Variants in MAST2 observed in about 807,000 individuals in gnomAD.
The protein encoded by MAST2 is microtubule-associated serine/threonine-protein kinase 2.
MAST2 carries 70 observed loss-of-function variants against 147.4 expected under a neutral mutation model. The ratio of observed to expected loss-of-function variants is 0.47; its 90% CI spans 0.39 to 0.58. The LOEUF is 0.58. Among genes scored for constraint, MAST2 ranks in the 20% least tolerant of loss-of-function variants. The probability of loss-of-function intolerance (pLI) is 0.00; values close to 1 mark genes in which losing one functional copy is unlikely to be tolerated. For synonymous variants in MAST2, 869 were observed against 896.8 expected (o/e 0.97, Z 0.55); for missense variants, 2,080 against 2,302.3 (o/e 0.90, Z 1.98).
At chr1:45,827,655 CATT>C (rs926321431) in intron 2 of MAST2, among the ~76,000 whole-genome samples, 2 of 121,578 alleles carry the variant, frequency 1.6e-5, no homozygotes, top group Non-Finnish European at 3.6e-5. Context: ...TCATCATCAT[CATT>C]ATTTTTTTTT....
In MAST2 at chr1:46,029,970, G is replaced by A. The variant is rs775524039; in HGVS notation, c.2443+17G>A. The A allele has an allele frequency of 3.7e-6, 6 of 1,613,836 alleles. No individual in the cohort carries two copies. Among genetic ancestry groups the A allele is most frequent in the South Asian group, 3.3e-5 (3 of 90,982 alleles). ...ATTTTGACAGTAAGGCCACCGATGG[G>A]TGGGGTGGAGGATGGGTCCTACCTG... On this transcript the variant is annotated intron_variant, in intron 20 of 28. Coordinates refer to ENST00000361297, the MANE Select transcript of MAST2 (RefSeq NM_015112.3).
chr1:45,829,723 A>T (rs1423936372), intron 3 of MAST2, 142 bp downstream of exon 3: 18 of 943,284 alleles, frequency 1.9e-5, no homozygotes, highest in Non-Finnish European at 2.6e-5. Context: ...TGAATTTATT[A>T]TTATTTTTTT....
chr1:46,004,542 A>G (rs936493998), intron 7 of MAST2, among the ~76,000 whole-genome samples: 4 of 152,148 alleles, frequency 2.6e-5, no homozygotes, highest in African/African-American at 9.7e-5. Context: ...CACTAGTTTC[A>G]TGTTAGCTAT....
At chr1:45,853,614 A>C (rs970152170) in intron 3 of MAST2, among the ~76,000 whole-genome samples, 2 of 152,186 alleles carry the variant, frequency 1.3e-5, no homozygotes, top group African/African-American at 4.8e-5. Context: ...CCGGCCTCCC[A>C]AAGTGGTGGG....
At position 45,904,458 on chromosome 1, in the gene MAST2, G is replaced by C. The variant is rs972264284; in HGVS notation, c.500+22063G>C. Among the ~76,000 whole-genome samples the C allele has an allele frequency of 3.3e-5, 5 of 152,082 alleles. No individual in the cohort carries two copies. The South Asian group carries it at 1.0e-3, about 32-fold the overall frequency. ...CAATGTGCTGAGATTACAGGCATGA[G>C]CCACCGTGTCCGGCCTTAAATTTTT... is the stretch of plus-strand genomic sequence containing the variant. On this transcript the variant is annotated intron_variant, in intron 4 of 28. Coordinates refer to ENST00000361297, the MANE Select transcript of MAST2 (RefSeq NM_015112.3).
chr1:45,861,241 T>C (rs1282539860), intron 3 of MAST2, among the ~76,000 whole-genome samples: 2 of 152,172 alleles, frequency 1.3e-5, no homozygotes, highest in Non-Finnish European at 2.9e-5. Flanking sequence ...GGTAAAGCTG[T>C]TTAGTAAAAC....
intron 4 of MAST2, among the ~76,000 whole-genome samples, chr1:45,925,164 G>C (rs1473313391): frequency 6.6e-6 from 1 of 152,132 alleles, no homozygotes; most frequent in Non-Finnish European, 1.5e-5. Flanking sequence ...TCTTAGGGAT[G>C]GTCTTAGGAC....
intron 1 of MAST2, among the ~76,000 whole-genome samples, chr1:45,818,840 C>T (rs868767879): frequency 1.3e-5 from 2 of 152,318 alleles, no homozygotes; most frequent in South Asian, 2.1e-4. Flanking sequence ...CTCATATTTG[C>T]TTTTTATCTA....
chr1:45,921,883 C>T (rs373453658), intron 4 of MAST2, among the ~76,000 whole-genome samples: 207 of 152,318 alleles, frequency 1.4e-3, no homozygotes, highest in African/African-American at 4.7e-3. Flanking sequence ...CCCTGCCATT[C>T]GGTGGGTCCC....
chr1:45,945,057 A>G (rs759059701), intron 4 of MAST2, among the ~76,000 whole-genome samples: 6 of 152,154 alleles, frequency 3.9e-5, no homozygotes, highest in Non-Finnish European at 1.5e-5. Flanking sequence ...CCCAGCATTT[A>G]GGGAGACTGA....
intron 1 of MAST2, among the ~76,000 whole-genome samples, chr1:45,814,201 T>C (rs1644384910): frequency 6.6e-6 from 1 of 152,140 alleles, no homozygotes; most frequent in African/African-American, 2.4e-5. Flanking sequence ...TATTTTAGAG[T>C]GTACCCCTAC....
intron 4 of MAST2, among the ~76,000 whole-genome samples, chr1:45,919,642 C>T (rs778253934): frequency 1.6e-4 from 25 of 152,144 alleles, no homozygotes; most frequent in African/African-American, 6.0e-4. Flanking sequence ...TAGCGCTTGG[C>T]GTATGAGGCT....
At chr1:45,888,450 C>T (rs1007454874) in intron 4 of MAST2, among the ~76,000 whole-genome samples, 2 of 151,972 alleles carry the variant, frequency 1.3e-5, no homozygotes, top group Non-Finnish European at 2.9e-5. Flanking sequence ...GCAAGCTCCG[C>T]CTCCCGGGTT....
Position 45,824,500 on chromosome 1 carries a change from C to G in MAST2, c.245C>G (p.Thr82Ser). The G allele has an allele frequency of 6.2e-7, 1 of 1,612,440 alleles. No individual in the cohort carries two copies. Among genetic ancestry groups the G allele is most frequent in the Non-Finnish European group, 8.5e-7 (1 of 1,179,008 alleles). Residue 82 changes from threonine (T) to serine (S), a missense_variant, in exon 2 of 29, where the codon ACT (threonine) becomes AGT (serine). This residue lies in a region of MAST2 where 569 missense variants were observed against 642.5 expected (regional missense o/e 0.89). Transcript: ENST00000361297. ...AGTAATCCTGACATATTTTCATCCACTGGAAAAGTTAAACTTCAGCGACAA... is the reference window on the plus strand; with the variant it reads ...AGTAATCCTGACATATTTTCATCCAGTGGAAAAGTTAAACTTCAGCGACAA... ...KLSNPDIFSS[T>S]GKVKLQRQLS...
At chr1:45,829,664 T>G (rs1644892878) in intron 3 of MAST2, 83 bp downstream of exon 3, 1 of 1,388,980 alleles carries the variant, frequency 7.2e-7, no homozygotes, top group Non-Finnish European at 9.9e-7. Context: ...TCTTTTTCCT[T>G]TTTAGGATTT....
intron 3 of MAST2, among the ~76,000 whole-genome samples, chr1:45,854,528 A>T (rs570341497): frequency 9.9e-5 from 15 of 151,906 alleles, no homozygotes; most frequent in African/African-American, 3.6e-4. Context: ...GGTTTTAGTG[A>T]TTTTTTTTCT....
intron 3 of MAST2, among the ~76,000 whole-genome samples, chr1:45,835,442 A>G (rs1481873392): frequency 2.0e-5 from 3 of 152,188 alleles, no homozygotes; most frequent in Non-Finnish European, 4.4e-5. Flanking sequence ...CTAACATGAT[A>G]CTGTGATTAT....
intron 4 of MAST2, among the ~76,000 whole-genome samples, chr1:45,903,317 A>G (rs1650116949): frequency 6.6e-6 from 1 of 151,420 alleles, no homozygotes; most frequent in Non-Finnish European, 1.5e-5. Context: ...TTTAGTAGAG[A>G]CAGGGTTTCA....
intron 1 of MAST2, 77 bp downstream of exon 1, chr1:45,804,149 G>C (rs979829548): frequency 4.7e-6 from 6 of 1,269,728 alleles, no homozygotes; most frequent in African/African-American, 1.6e-5. Context: ...GGAGGACCCG[G>C]GCTGGAGCTT....
Sources: allele counts gnomAD v4.1 joint callset (sites outside exome capture counted in the v4.1 genomes callset), GRCh38; gene constraint gnomAD v4.1.1; regional missense constraint gnomAD v4.1.1; transcripts MANE v1.5; gene names NCBI Gene and HGNC (gene_info 2026-07-23, HGNC 2026-07-21).